Variants in TACC2 observed in about 807,000 individuals in gnomAD.
The protein encoded by TACC2 is transforming acidic coiled-coil-containing protein 2.
TACC2 carries 137 observed loss-of-function variants against 227.3 expected under a neutral mutation model. The ratio of observed to expected loss-of-function variants is 0.60; its 90% CI spans 0.52 to 0.69. The LOEUF (loss-of-function observed/expected upper bound fraction) is 0.69, where lower values mean the gene tolerates loss of function less well. Ranked by LOEUF, TACC2 falls within the 30% of genes least tolerant of loss-of-function variation. The probability of loss-of-function intolerance (pLI) is 0.00; values close to 1 mark genes in which losing one functional copy is unlikely to be tolerated. For missense variants in TACC2, 3,470 were observed against 3,694.4 expected, an observed-to-expected ratio of 0.94 and a Z score of 1.57; for synonymous variants, 1,523 against 1,487.5, an observed-to-expected ratio of 1.02 and a Z score of -0.55.
In TACC2 at chr10:122,085,921, C is replaced by T. The variant is rs2080050305; in HGVS notation, c.3421C>T (p.Pro1141Ser). The change falls in exon 4 of 23, where the codon CCA becomes TCA. Residue 1141 changes from proline (P) to serine (S), a missense_variant. Coordinates refer to ENST00000369005, the MANE Select transcript of TACC2 (RefSeq NM_206862.4). Reference sequence around the variant, plus strand: ...TGGTGGCAGCGCTGGTGCAGGAGACCCAGGAAAGCAGCAGGCTCCGGAGAA... The same window carrying T: ...TGGTGGCAGCGCTGGTGCAGGAGACTCAGGAAAGCAGCAGGCTCCGGAGAA... The part of the protein sequence containing the change: ...ETGGSAGAGD[P>S]GKQQAPEKPG... 1 of 1,613,172 alleles carries T rather than the reference C, an allele frequency of 6.2e-7. No homozygotes were observed. Among genetic ancestry groups the T allele is most frequent in the Non-Finnish European group, 8.5e-7 (1 of 1,179,528 alleles).
At chr10:122,032,033 G>A (rs1959045893) in intron 2 of TACC2, among the ~76,000 whole-genome samples, 1 of 152,048 alleles carries the variant, frequency 6.6e-6, no homozygotes, top group South Asian at 2.1e-4. Flanking sequence ...GACCCCATAA[G>A]GAATCTGAGC....
At chr10:122,102,907 A>G (rs976496709) in intron 5 of TACC2, among the ~76,000 whole-genome samples, 1 of 152,256 alleles carries the variant, frequency 6.6e-6, no homozygotes. Context: ...TCCTCTTAGC[A>G]TGGGTGGAGG....
intron 7 of TACC2, among the ~76,000 whole-genome samples, chr10:122,162,083 G>A (rs1000394836): frequency 2.0e-5 from 3 of 152,152 alleles, no homozygotes; most frequent in South Asian, 2.1e-4. Flanking sequence ...CACCTTCCCC[G>A]CAAGATTGAC....
intron 5 of TACC2, among the ~76,000 whole-genome samples, chr10:122,106,828 T>A (rs1282160530): frequency 2.0e-5 from 3 of 152,226 alleles, no homozygotes; most frequent in Non-Finnish European, 4.4e-5. Context: ...GTTGTGTAAT[T>A]CATTAGTTCA....
intron 3 of TACC2, among the ~76,000 whole-genome samples, chr10:122,073,126 AATATAT>A (rs1167084872): frequency 0.077 from 5,291 of 69,096 alleles, 436 homozygotes; most frequent in Middle Eastern, 0.12. Flanking sequence ...AAAAAAAAAA[AATATAT>A]ATATATATAT....
At chr10:122,177,762 A>G (rs2093791376) in intron 7 of TACC2, among the ~76,000 whole-genome samples, 1 of 152,132 alleles carries the variant, frequency 6.6e-6, no homozygotes, top group African/African-American at 2.4e-5. Context: ...AGAGGTGTAC[A>G]GGGGCGAAAC....
chr10:122,002,447 G>T (rs1954511692), intron 1 of TACC2, among the ~76,000 whole-genome samples: 1 of 152,108 alleles, frequency 6.6e-6, no homozygotes, highest in Non-Finnish European at 1.5e-5. Flanking sequence ...CTGTGTGTGT[G>T]TGTGCCATTT....
At chr10:122,061,734 G>A (rs1162956568) in intron 3 of TACC2, among the ~76,000 whole-genome samples, 1 of 152,164 alleles carries the variant, frequency 6.6e-6, no homozygotes, top group African/African-American at 2.4e-5. Context: ...AAGATGTCCA[G>A]TCCAGTCTAG....
chr10:122,015,985 G>T (rs1371643574), intron 1 of TACC2, among the ~76,000 whole-genome samples: 1 of 151,946 alleles, frequency 6.6e-6, no homozygotes, highest in Non-Finnish European at 1.5e-5. Flanking sequence ...ATCAGTGGGG[G>T]TATGGTGGCT....
At chr10:122,231,709 T>TA (rs1399078076) in intron 16 of TACC2, among the ~76,000 whole-genome samples, 1 of 152,142 alleles carries the variant, frequency 6.6e-6, no homozygotes, top group Admixed American at 6.5e-5. Context: ...GGTGTGGTGG[T>TA]ACACACCTGT....
At chr10:122,005,770 T>G (rs1470579772) in intron 1 of TACC2, among the ~76,000 whole-genome samples, 1 of 150,454 alleles carries the variant, frequency 6.6e-6, no homozygotes, top group Non-Finnish European at 1.5e-5. Context: ...CTTGGCTTAC[T>G]GCAACCTCCA....
At chr10:122,184,129 C>T (rs900121060) in intron 7 of TACC2, among the ~76,000 whole-genome samples, 4 of 152,142 alleles carry the variant, frequency 2.6e-5, no homozygotes, top group Non-Finnish European at 5.9e-5. Context: ...CACTTCGCAG[C>T]CCCTGGCTGA....
At chr10:122,192,891 G>T in intron 7 of TACC2, 1 of 412,902 alleles carries the variant, frequency 2.4e-6, no homozygotes, top group African/African-American at 2.0e-5. Flanking sequence ...CAGCACCCGG[G>T]GCAGCACCCA....
chr10:122,143,770 C>T lies in TACC2; in HGVS notation c.5834+64C>T, dbSNP rs929754757. ...AGAGCAGGGGCCTGGTGGTCTCTGC[C>T]CCCTAGGTCTTGGGGTGAGCCGCAT... is the stretch of plus-strand genomic sequence containing the variant. On this transcript the variant is annotated intron_variant, in intron 7 of 22. Transcript: ENST00000369005. The T allele has an allele frequency of 2.4e-5, 37 of 1,562,734 alleles. No homozygotes were observed. The East Asian group carries it at 8.1e-4, about 34-fold the overall frequency.
chr10:122,160,537 G>C (rs2092756028), intron 7 of TACC2, among the ~76,000 whole-genome samples: 2 of 117,890 alleles, frequency 1.7e-5, no homozygotes, highest in African/African-American at 7.4e-5. Context: ...AAGTGTGTGT[G>C]TGGGGGGGGT....
At chr10:122,184,592 T>C (rs930106958) in intron 7 of TACC2, among the ~76,000 whole-genome samples, 4 of 152,210 alleles carry the variant, frequency 2.6e-5, no homozygotes, top group African/African-American at 9.6e-5. Context: ...TCCTCCCTTG[T>C]ACGAAGGCAA....
At chr10:122,221,384 C>T (rs566673920) in intron 11 of TACC2, among the ~76,000 whole-genome samples, 1 of 152,318 alleles carries the variant, frequency 6.6e-6, no homozygotes, top group South Asian at 2.1e-4. Flanking sequence ...CCAAGAGACC[C>T]TGACAGAGTG....
chr10:122,237,670 C>A, intron 17 of TACC2, 132 bp downstream of exon 17: 3 of 1,186,556 alleles, frequency 2.5e-6, no homozygotes, highest in East Asian at 2.5e-5. Context: ...TGTGGCACAC[C>A]ATGCGTTTTG....
chr10:122,211,205 G>T lies in TACC2; in HGVS notation c.6780G>T (p.Gly2260=), dbSNP rs114946191. ...SGGQEDSPAK[G]LSVRLEFDYS... is the part of the protein sequence containing the mutation. ...GGCAAGAGGACTCTCCAGCCAAAGG[G>T]CTCTCCGTAAGGCTGGAGTTTGACT... Residue 2260 remains glycine (G), a synonymous_variant, in exon 9 of 23, where the codon GGG becomes GGT. Transcript: ENST00000369005. The T allele has an allele frequency of 1.9e-6, 3 of 1,613,974 alleles. No homozygotes were observed. Among genetic ancestry groups the T allele is most frequent in the Non-Finnish European group, 2.5e-6 (3 of 1,179,982 alleles).
Sources: gnomAD v4.1 joint callset for allele counts (sites outside exome capture counted in the v4.1 genomes callset) on GRCh38, gnomAD v4.1.1 for gene constraint, MANE v1.5 for transcripts, NCBI Gene and HGNC (gene_info 2026-07-23, HGNC 2026-07-21) for gene names.